ZBTB16: variants seen among roughly 807,000 people sequenced by gnomAD.
ZBTB16 encodes the protein zinc finger and BTB domain-containing protein 16.
Under a neutral mutation model 56.8 loss-of-function variants are expected in ZBTB16, and 8 were observed. That is an observed-to-expected ratio of 0.14 (90% confidence interval 0.08 to 0.25). The LOEUF (loss-of-function observed/expected upper bound fraction) is 0.25, where lower values mean the gene tolerates loss of function less well. ZBTB16 is among the 10% of genes least tolerant of loss of function. The pLI, the probability that ZBTB16 is intolerant of heterozygous loss-of-function variation, is 1.00. For missense variants in ZBTB16, 625 were observed against 903.0 expected, an observed-to-expected ratio of 0.69 and a Z score of 3.95; for synonymous variants, 363 against 368.5, an observed-to-expected ratio of 0.98 and a Z score of 0.17.
chr11:114,193,636 A>G (rs1007496064), intron 4 of ZBTB16, among the ~76,000 whole-genome samples: 1 of 152,146 alleles, frequency 6.6e-6, no homozygotes, highest in Non-Finnish European at 1.5e-5. Context: ...GTTCCAGGAA[A>G]GGGGTCCCAG....
rs1381786876 is a variant in ZBTB16, at chr11:114,104,846, A to G, written c.1268+40278A>G. ...AAAGAGAACGGTGGTGTCTCTTGTC[A>G]TCTAGATGTTCTTGTAGGGGCACCA... On this transcript the variant is annotated intron_variant, in intron 2 of 6. Coordinates refer to ENST00000335953, the MANE Select transcript of ZBTB16 (RefSeq NM_006006.6). Among the ~76,000 whole-genome samples the G allele has an allele frequency of 2.6e-5, 4 of 152,134 alleles. No individual in the cohort carries two copies. The East Asian group carries it at 5.8e-4, about 22-fold the overall frequency.
intron 1 of ZBTB16, among the ~76,000 whole-genome samples, chr11:114,061,929 C>G (rs1467774012): frequency 6.6e-6 from 1 of 152,130 alleles, no homozygotes; most frequent in Non-Finnish European, 1.5e-5. Flanking sequence ...GTTCACACAC[C>G]CAGCCCAGCA....
intron 3 of ZBTB16, among the ~76,000 whole-genome samples, chr11:114,162,390 C>T (rs1034673472): frequency 1.3e-5 from 2 of 152,178 alleles, no homozygotes; most frequent in Non-Finnish European, 2.9e-5. Flanking sequence ...TGGAAAATTC[C>T]CTGTGACTGG....
chr11:114,127,323 C>T (rs1037911049), intron 2 of ZBTB16, among the ~76,000 whole-genome samples: 3 of 152,294 alleles, frequency 2.0e-5, no homozygotes, highest in African/African-American at 7.2e-5. Flanking sequence ...GCATTGGACT[C>T]CCATGGTGTG....
At chr11:114,142,369 C>T (rs10488695) in intron 2 of ZBTB16, among the ~76,000 whole-genome samples, 8,837 of 152,270 alleles carry the variant, frequency 0.058, 282 homozygotes, top group Middle Eastern at 0.14. Flanking sequence ...AATTGCACAA[C>T]GGATTGCCTA....
intron 2 of ZBTB16, among the ~76,000 whole-genome samples, chr11:114,093,551 G>A (rs776563181): frequency 7.9e-5 from 12 of 152,188 alleles, no homozygotes; most frequent in Non-Finnish European, 1.8e-4. Flanking sequence ...GGAGATGAGT[G>A]TGTGGCCCAA....
chr11:114,210,714 C>G (rs2135128997), intron 4 of ZBTB16: 1 of 219,488 alleles, frequency 4.6e-6, no homozygotes, highest in East Asian at 6.7e-5. Flanking sequence ...TTTGGAAGGC[C>G]ATCATTACCT....
chr11:114,197,175 T>G (rs940537842), intron 4 of ZBTB16, among the ~76,000 whole-genome samples: 1 of 152,200 alleles, frequency 6.6e-6, no homozygotes, highest in Non-Finnish European at 1.5e-5. Flanking sequence ...AAAGGTTGCT[T>G]AGTTTCCACA....
intron 2 of ZBTB16, among the ~76,000 whole-genome samples, chr11:114,076,631 C>G (rs1363288086): frequency 6.7e-6 from 1 of 149,302 alleles, no homozygotes; most frequent in Non-Finnish European, 1.5e-5. Context: ...CCCCCACCCC[C>G]ACCCCCGCCC....
rs1791801 is a variant in ZBTB16, at chr11:114,255,733, A to G, written c.*5178A>G. Among the ~76,000 whole-genome samples, 39 of 136,756 alleles carry G rather than the reference A, an allele frequency of 2.9e-4. No individual in the cohort carries two copies. In the East Asian group the frequency reaches 6.0e-3, roughly 21 times the overall value. The allele number at this position is 136,756 out of a possible 152,430, so 89.7% of individuals were successfully genotyped here. On this transcript the variant is annotated 3_prime_UTR_variant, in exon 7 of 7. Coordinates refer to ENST00000335953, the MANE Select transcript of ZBTB16 (RefSeq NM_006006.6). ...TGACAAGATTTAAAAAAAAAAAAAA[A>G]GGAAAAAAAAAGAAAAAATGAATTT...
chr11:114,063,864 C>T lies in ZBTB16; in HGVS notation c.564C>T (p.Ser188=), dbSNP rs1415357749. 1.9e-6 allele frequency: 3 copies of T among 1,614,146 alleles called. No individual in the cohort carries two copies. The highest frequency in any genetic ancestry group is 1.6e-4 in the Middle Eastern group (1 of 6,062). ...TGGTGGACCAGAGCCCTTCAGTCTC[C>T]ACTTCATTTGGTCTTTCAGCCATGA... ...GPMVDQSPSV[S]TSFGLSAMSP... is the part of the protein sequence containing the mutation. The change falls in exon 2 of 7, where the codon TCC becomes TCT. Residue 188 remains serine (S), a synonymous_variant. Transcript: ENST00000335953. This position sits in a 1 kb window ranked among gnomAD's most constrained non-coding sequence, Gnocchi z 6.5.
At chr11:114,096,952 C>A (rs238932) in intron 2 of ZBTB16, among the ~76,000 whole-genome samples, 113,733 of 151,436 alleles carry the variant, frequency 0.75, 47,908 homozygotes, top group Non-Finnish European at 0.94. Flanking sequence ...ACACACACAC[C>A]CCCTAAATAA....
At chr11:114,070,861 GATGA>G (rs891744039) in intron 2 of ZBTB16, among the ~76,000 whole-genome samples, 14 of 152,178 alleles carry the variant, frequency 9.2e-5, no homozygotes, top group Admixed American at 2.0e-4. Flanking sequence ...TTTTAGGGGT[GATGA>G]ATGACAAGTT....
intron 2 of ZBTB16, among the ~76,000 whole-genome samples, chr11:114,153,666 G>A (rs1942330312): frequency 6.6e-6 from 1 of 152,216 alleles, no homozygotes; most frequent in South Asian, 2.1e-4. Context: ...ATCCTAGCCT[G>A]GCTGCCTCAG....
intron 4 of ZBTB16, among the ~76,000 whole-genome samples, chr11:114,208,909 A>G (rs1943942233): frequency 6.6e-6 from 1 of 152,206 alleles, no homozygotes; most frequent in African/African-American, 2.4e-5. Context: ...GCGTCATCCG[A>G]ATGGGTCAAT....
At chr11:114,247,074 A>G in intron 5 of ZBTB16, 124 bp from the exon 6 acceptor site, 1 of 1,270,010 alleles carries the variant, frequency 7.9e-7, no homozygotes, top group South Asian at 1.2e-5. Flanking sequence ...TGGATCCTTA[A>G]GTTGTCTTTG....
chr11:114,215,984 A>G (rs1944086629), intron 4 of ZBTB16, among the ~76,000 whole-genome samples: 2 of 152,178 alleles, frequency 1.3e-5, no homozygotes, highest in Non-Finnish European at 2.9e-5. Flanking sequence ...TCTTGAACAG[A>G]GCAGACAGGG....
intron 3 of ZBTB16, among the ~76,000 whole-genome samples, chr11:114,178,068 G>A (rs749446544): frequency 6.6e-6 from 1 of 152,172 alleles, no homozygotes; most frequent in Admixed American, 6.5e-5. Flanking sequence ...GGGAGCAGAC[G>A]GTAGGGGTGT....
intron 5 of ZBTB16, among the ~76,000 whole-genome samples, chr11:114,246,302 G>A (rs1248730418): frequency 6.6e-6 from 1 of 152,100 alleles, no homozygotes; most frequent in Non-Finnish European, 1.5e-5. Flanking sequence ...ACAAGTATAT[G>A]GTACCCTGAC....
Sources: allele counts gnomAD v4.1 joint callset (sites outside exome capture counted in the v4.1 genomes callset), GRCh38; gene constraint gnomAD v4.1.1; non-coding constraint Gnocchi (gnomAD v3.1); transcripts MANE v1.5; gene names NCBI Gene and HGNC (gene_info 2026-07-23, HGNC 2026-07-21).